The following ATF6B variants were observed in gnomAD, a reference collection of about 807,000 sequenced individuals.
ATF6B encodes the protein activating transcription factor 6 beta, also known as cyclic AMP-dependent transcription factor ATF-6 beta.
ATF6B carries 50 observed loss-of-function variants against 83.5 expected under a neutral mutation model. The ratio of observed to expected loss-of-function variants is 0.60; its 90% CI spans 0.48 to 0.76. The LOEUF (loss-of-function observed/expected upper bound fraction) is 0.76. Ranked by LOEUF, ATF6B falls within the 30% of genes least tolerant of loss-of-function variation. ATF6B has a pLI of 0.00. For missense variants in ATF6B, 790 were observed against 893.8 expected, an observed-to-expected ratio of 0.88 and a Z score of 1.48; for synonymous variants, 344 against 362.8, an observed-to-expected ratio of 0.95 and a Z score of 0.59.
intron 1 of ATF6B, 24 bp downstream of exon 1, chr6:32,128,093 C>A: frequency 6.2e-7 from 1 of 1,612,090 alleles, no homozygotes. Flanking sequence ...TTGCCACAGC[C>A]CTCTCCCCTC....
chr6:32,119,290 C>T lies in ATF6B; in HGVS notation c.967-149G>A. The T allele has an allele frequency of 2.2e-6, 2 of 924,432 alleles. No homozygotes were observed. Among genetic ancestry groups the T allele is most frequent in the South Asian group, 1.8e-5 (1 of 55,372 alleles). The allele number at this position is 924,432 out of a possible 1,614,324, so 57.3% of individuals were successfully genotyped here. A position where few individuals can be genotyped will look rare whatever the true frequency, so the allele number is the denominator to read the frequency against. On this transcript the variant is annotated intron_variant, in intron 9 of 17. Coordinates refer to ENST00000375203, the MANE Select transcript of ATF6B (RefSeq NM_004381.5). The surrounding 1 kb of genome is among the most constrained non-coding windows in gnomAD (Gnocchi z 4.9). Reference sequence around the variant, plus strand: ...CTACATAGCCAGAGAGGTTTTTCCTCTCTACTCAAACACGCTAGGGAAGGG... The same window carrying T: ...CTACATAGCCAGAGAGGTTTTTCCTTTCTACTCAAACACGCTAGGGAAGGG...
In ATF6B at chr6:32,127,753, G is replaced by A; in HGVS notation, c.92-3C>T. The A allele has an allele frequency of 6.2e-7, 1 of 1,614,134 alleles. No homozygotes were observed. The highest frequency in any genetic ancestry group is 2.2e-5 in the East Asian group (1 of 44,882). The stretch of plus-strand genomic sequence containing the variant: ...TAGGCCAGAATACAAGGTGCTGTCT[G>A]CAAGAAATGCTGAGCGTCGGGGGGT... On this transcript the variant is annotated splice_region_variant and splice_polypyrimidine_tract_variant and intron_variant, in intron 1 of 17. Coordinates refer to ENST00000375203, the MANE Select transcript of ATF6B (RefSeq NM_004381.5).
intron 5 of ATF6B, among the ~76,000 whole-genome samples, chr6:32,123,227 CAAAAAAAAAAAAAA>C (rs9279489): frequency 0.05 from 2,938 of 59,130 alleles, 62 homozygotes; most frequent in Middle Eastern, 0.067. Context: ...AACTCTGTCT[CAAAAAAAAAAAAAA>C]AAAAAAAAAA....
chr6:32,123,980 G>T (rs1781866490), intron 5 of ATF6B, among the ~76,000 whole-genome samples: 1 of 152,112 alleles, frequency 6.6e-6, no homozygotes, highest in African/African-American at 2.4e-5. Flanking sequence ...AAAGTGGGTG[G>T]ATCACCTGAG....
At position 32,121,065 on chromosome 6, in the gene ATF6B, G is replaced by A; in HGVS notation, c.624C>T (p.Cys208=). ...VKTESLSPSG[C]LLWDVPAPSL... ...AGGGGGCTGGGACATCCCACAGGAGGCATCCTGAAGGGGACAGGGACTCTG... is the reference window on the plus strand; with the variant it reads ...AGGGGGCTGGGACATCCCACAGGAGACATCCTGAAGGGGACAGGGACTCTG... The change falls in exon 7 of 18, where the codon TGC becomes TGT. Residue 208 remains cysteine (C), a synonymous_variant. Transcript: ENST00000375203. 6.4e-7 allele frequency: 1 copy of A among 1,563,174 alleles called. No individual in the cohort carries two copies.
chr6:32,127,197 G>A lies in ATF6B; in HGVS notation c.251-3C>T, dbSNP rs773212926. ...TGGCTCAGACTTCACCTGAAGATCT[G>A]GAGGAAAGGGAGTTAGAAATTATCA... On this transcript the variant is annotated splice_region_variant and splice_polypyrimidine_tract_variant and intron_variant, in intron 3 of 17. Coordinates refer to ENST00000375203, the MANE Select transcript of ATF6B (RefSeq NM_004381.5). 1.4e-5 allele frequency: 22 copies of A among 1,603,588 alleles called. No homozygotes were observed. The African/African-American group carries it at 2.7e-4, about 20-fold the overall frequency.
In ATF6B at chr6:32,120,825, C is replaced by A. The variant is rs144595899; in HGVS notation, c.778G>T (p.Ala260Ser). The A allele has an allele frequency of 3.2e-3, 5,126 of 1,608,774 alleles. 23 individuals carry two copies. Among genetic ancestry groups the A allele is most frequent in the Admixed American group, 4.1e-3 (241 of 59,164 alleles). The change falls in exon 8 of 18, where the codon GCT (alanine) becomes TCT (serine). Residue 260 changes from alanine (A) to serine (S), a missense_variant. This residue lies in a region of ATF6B where 530 missense variants were observed against 632.6 expected (regional missense o/e 0.84). Coordinates refer to ENST00000375203, the MANE Select transcript of ATF6B (RefSeq NM_004381.5). ...AGGACTGTGGTGCTGGGAGGCACAG[C>A]TCTGGATGGCATTGGGACAGTGGTT... Reference protein sequence around the residue: ...VLTTVPMPSRAVPPSTTVLLQ... With the variant: ...VLTTVPMPSRSVPPSTTVLLQ...
At chr6:32,124,067 G>A (rs1252587722) in intron 5 of ATF6B, among the ~76,000 whole-genome samples, 1 of 152,120 alleles carries the variant, frequency 6.6e-6, no homozygotes, top group Non-Finnish European at 1.5e-5. Context: ...AGGCGTGGTG[G>A]AGCATGCCTG....
intron 4 of ATF6B, 94 bp downstream of exon 4, chr6:32,127,008 CA>C: frequency 8.5e-7 from 1 of 1,180,890 alleles, no homozygotes; most frequent in East Asian, 2.7e-5. Context: ...ACTCATAGCA[CA>C]CAAATCATTT....
In ATF6B at chr6:32,119,711, C is replaced by T; in HGVS notation, c.966+113G>A. The T allele has an allele frequency of 5.5e-6, 8 of 1,467,190 alleles. No individual in the cohort carries two copies. Among genetic ancestry groups the T allele is most frequent in the Non-Finnish European group, 7.4e-6 (8 of 1,084,776 alleles). 90.9% of individuals were successfully genotyped at this position (1,467,190 alleles called of 1,614,324 possible). On this transcript the variant is annotated intron_variant, in intron 9 of 17. Transcript: ENST00000375203. The surrounding 1 kb of genome is among the most constrained non-coding windows in gnomAD (Gnocchi z 4.9). The stretch of plus-strand genomic sequence containing the variant: ...GAATGATCTAATGGGTCCGTTTCCT[C>T]ACTTTTTTCTCCTAGGTATCGACTC...
At chr6:32,126,007 T>C (rs1781956845) in intron 5 of ATF6B, 110 bp downstream of exon 5, 1 of 1,469,392 alleles carries the variant, frequency 6.8e-7, no homozygotes, top group Non-Finnish European at 9.2e-7. Flanking sequence ...CCCACCTTTT[T>C]CTCCCTGTCC....
chr6:32,122,968 C>G (rs950053428), intron 5 of ATF6B, among the ~76,000 whole-genome samples: 2 of 151,904 alleles, frequency 1.3e-5, no homozygotes, highest in African/African-American at 4.8e-5. Context: ...GCCTGTAATC[C>G]CAGCACTTTG....
In ATF6B at chr6:32,117,380, C is replaced by T. The variant is rs757621343; in HGVS notation, c.1557G>A (p.Trp519Ter). 7 of 1,614,112 alleles carry T rather than the reference C, an allele frequency of 4.3e-6. No homozygotes were observed. Among genetic ancestry groups the T allele is most frequent in the Non-Finnish European group, 5.1e-6 (6 of 1,180,006 alleles). The change falls in exon 14 of 18, where the codon TGG becomes TGA. Residue 519 changes from tryptophan to a stop codon, truncating the protein, a stop_gained. Coordinates refer to ENST00000375203, the MANE Select transcript of ATF6B (RefSeq NM_004381.5). LOFTEE classifies it high-confidence loss of function. This position sits in a 1 kb window ranked among gnomAD's most constrained non-coding sequence, Gnocchi z 5.0. Reference sequence around the variant, plus strand: ...TCCGGCCTCTCTGGTGGCGCTGGACCCAGCCACTCAACTCGTCAGCAAGCC... The same window carrying T: ...TCCGGCCTCTCTGGTGGCGCTGGACTCAGCCACTCAACTCGTCAGCAAGCC... ...SLRLADELSG[W>*]VQRHQRGRRK...
rs1781629061 is a variant in ATF6B at position 32,118,660 on chromosome 6, C to T, written c.1244+115G>A. On this transcript the variant is annotated intron_variant, in intron 11 of 17. Transcript: ENST00000375203. This position sits in a 1 kb window ranked among gnomAD's most constrained non-coding sequence, Gnocchi z 5.2. ...CCAGACACATCATCGGTGCCAAGGA[C>T]ACCAGAACCATTTGTATATAAGCAG... The T allele has an allele frequency of 9.6e-7, 1 of 1,044,070 alleles. No individual in the cohort carries two copies. Among genetic ancestry groups the T allele is most frequent in the South Asian group, 1.4e-5 (1 of 72,944 alleles). The allele number at this position is 1,044,070 out of a possible 1,614,324, so 64.7% of individuals were successfully genotyped here.
chr6:32,123,140 A>G (rs1781830585), intron 5 of ATF6B, among the ~76,000 whole-genome samples: 1 of 151,070 alleles, frequency 6.6e-6, no homozygotes, highest in Non-Finnish European at 1.5e-5. Context: ...AGGCAGGACA[A>G]TAGCTTAAAC....
In ATF6B at chr6:32,121,082, G is replaced by A; in HGVS notation, c.607C>T (p.Leu203=). The change falls in exon 7 of 18, where the codon CTG becomes TTG. Residue 203 remains leucine, a synonymous_variant. Coordinates refer to ENST00000375203, the MANE Select transcript of ATF6B (RefSeq NM_004381.5). ...CACAGGAGGCATCCTGAAGGGGACA[G>A]GGACTCTGTCTTCACTTCCAGGACC... ...EEVLEVKTES[L]SPSGCLLWDV... 1 of 1,570,180 alleles carries A rather than the reference G, an allele frequency of 6.4e-7. No homozygotes were observed. The highest frequency in any genetic ancestry group is 8.6e-7 in the Non-Finnish European group (1 of 1,159,750).
intron 5 of ATF6B, among the ~76,000 whole-genome samples, chr6:32,122,781 G>A (rs1029291482): frequency 3.0e-4 from 45 of 151,228 alleles, no homozygotes; most frequent in African/African-American, 1.1e-3. Context: ...CCCAGGGGGC[G>A]GAGCTTGCAG....
chr6:32,115,327 C>A lies in ATF6B; in HGVS notation c.*412G>T, dbSNP rs1263704217. ...TAAAAAAGAAATGCACACACATAAA[C>A]CTGAACTCCCCCCCACCCCACCCTC... On this transcript the variant is annotated 3_prime_UTR_variant, in exon 18 of 18. Transcript: ENST00000375203. 1 of 152,952 alleles carries A rather than the reference C, an allele frequency of 6.5e-6. No homozygotes were observed. The highest frequency in any genetic ancestry group is 2.4e-5 in the African/African-American group (1 of 41,398). The allele number at this position is 152,952 out of a possible 1,614,324, so 9.5% of individuals were successfully genotyped here.
intron 8 of ATF6B, 143 bp from the exon 9 acceptor site, chr6:32,120,100 CCTT>C (rs1781695564): frequency 8.9e-7 from 1 of 1,129,762 alleles, no homozygotes; most frequent in Non-Finnish European, 1.2e-6. Context: ...CTCCTTTTCT[CCTT>C]TTTTTCTTTT....
Sources: allele counts gnomAD v4.1 joint callset (sites outside exome capture counted in the v4.1 genomes callset), GRCh38; gene constraint gnomAD v4.1.1; regional missense constraint gnomAD v4.1.1; non-coding constraint Gnocchi (gnomAD v3.1); transcripts MANE v1.5; gene names NCBI Gene and HGNC (gene_info 2026-07-23, HGNC 2026-07-21).